Variants in TDRP observed in about 807,000 individuals in gnomAD.
TDRP encodes the protein testis development related protein.
In TDRP, 12 loss-of-function variants were observed where a neutral mutation model predicts 10.5. The ratio of observed to expected loss-of-function variants is 1.15; its 90% CI spans 0.73 to 1.86. The LOEUF is 1.86. Ranked by LOEUF, TDRP falls within the 40% of genes most tolerant of loss-of-function variation. The pLI is 0.00. For missense variants in TDRP, 353 were observed against 229.2 expected, an observed-to-expected ratio of 1.54 and a Z score of -3.49; for synonymous variants, 139 against 95.4, an observed-to-expected ratio of 1.46 and a Z score of -2.67.
At chr8:535,802 A>G (rs1384128738) in intron 1 of TDRP, among the ~76,000 whole-genome samples, 2 of 145,164 alleles carry the variant, frequency 1.4e-5, no homozygotes, top group Non-Finnish European at 3.0e-5. Flanking sequence ...GTCTCAGTGT[A>G]GGGGTGGGCC....
At chr8:544,590 C>T in intron 1 of TDRP, 60 bp downstream of exon 1, 1 of 1,138,512 alleles carries the variant, frequency 8.8e-7, no homozygotes, top group Non-Finnish European at 1.1e-6. Flanking sequence ...GCCGCCCACC[C>T]TCGCCCTCCA....
At chr8:506,896 G>C (rs1252088345) in intron 1 of TDRP, among the ~76,000 whole-genome samples, 1 of 152,196 alleles carries the variant, frequency 6.6e-6, no homozygotes, top group Non-Finnish European at 1.5e-5. Flanking sequence ...ACTGGAGTCT[G>C]TGGTGAAGTG....
At position 491,903 on chromosome 8, in the gene TDRP, A is replaced by G. The variant is rs1800986869; in HGVS notation, c.*496T>C. 1 of 1,160,026 alleles carries G rather than the reference A, an allele frequency of 8.6e-7. No individual in the cohort carries two copies. Among genetic ancestry groups the G allele is most frequent in the African/African-American group, 1.6e-5 (1 of 62,904 alleles). 71.9% of individuals were successfully genotyped at this position (1,160,026 alleles called of 1,614,324 possible). On this transcript the variant is annotated 3_prime_UTR_variant, in exon 3 of 3. Coordinates refer to ENST00000324079, the MANE Select transcript of TDRP (RefSeq NM_001384899.1). Reference sequence around the variant, plus strand: ...TTACGTATTTGTTTAATAAGAACAAAGTTTAATTTGTCAAGTTAAACAAAA... The same window carrying G: ...TTACGTATTTGTTTAATAAGAACAAGGTTTAATTTGTCAAGTTAAACAAAA...
At chr8:531,018 T>A (rs966049444) in intron 1 of TDRP, among the ~76,000 whole-genome samples, 1 of 152,090 alleles carries the variant, frequency 6.6e-6, no homozygotes, top group Non-Finnish European at 1.5e-5. Context: ...CAGCACTGAG[T>A]CAGGAGAGAC....
rs894085737 is a variant in TDRP at position 544,662 on chromosome 8, G to A, written c.96C>T (p.Ala32=). The A allele has an allele frequency of 1.8e-4, 80 of 437,164 alleles. No homozygotes were observed. The highest frequency in any genetic ancestry group is 2.5e-4 in the Non-Finnish European group (77 of 309,044). The allele number at this position is 437,164 out of a possible 1,614,324, so 27.1% of individuals were successfully genotyped here. The change falls in exon 1 of 3, where the codon GCC becomes GCT. Residue 32 remains alanine (A), a synonymous_variant. Coordinates refer to ENST00000324079, the MANE Select transcript of TDRP (RefSeq NM_001384899.1). ...RGGPPPAAAA[A]AQAQVQGASF... ...CGCACCCCCTCACCTGCGCCTGGGCGGCGGCGGCGGCGGCCGGTGGCGGCC... is the reference window on the plus strand; with the variant it reads ...CGCACCCCCTCACCTGCGCCTGGGCAGCGGCGGCGGCGGCCGGTGGCGGCC...
rs753055638 is a variant in TDRP at position 503,383 on chromosome 8, C to G, written c.109-8786G>C. ...TGGAATCCAGAGCTGCACATCAGAA[C>G]CAATGCCCACCTCTGCACGCGTCAA... On this transcript the variant is annotated intron_variant, in intron 1 of 2. Coordinates refer to ENST00000324079, the MANE Select transcript of TDRP (RefSeq NM_001384899.1). Among the ~76,000 whole-genome samples the G allele has an allele frequency of 2.6e-5, 4 of 152,038 alleles. No individual in the cohort carries two copies. In the East Asian group the frequency reaches 5.8e-4, roughly 22 times the overall value.
At chr8:505,602 T>C (rs1459143335) in intron 1 of TDRP, among the ~76,000 whole-genome samples, 5 of 152,160 alleles carry the variant, frequency 3.3e-5, no homozygotes, top group African/African-American at 7.2e-5. Flanking sequence ...CCATTTCCCA[T>C]GAAGGCCATG....
intron 1 of TDRP, among the ~76,000 whole-genome samples, chr8:536,947 G>C (rs994929833): frequency 2.6e-5 from 4 of 152,096 alleles, no homozygotes; most frequent in Non-Finnish European, 4.4e-5. Context: ...CTGAGTATCT[G>C]ACTCAGCTCA....
chr8:526,953 C>A (rs897233308), intron 1 of TDRP, among the ~76,000 whole-genome samples: 1 of 152,004 alleles, frequency 6.6e-6, no homozygotes. Context: ...CTTGGAAAAA[C>A]CTAAAGACTC....
At position 492,375 on chromosome 8, in the gene TDRP, G is replaced by T. The variant is rs757655384; in HGVS notation, c.*24C>A. ...TACTCATAAAAGGCCACCATGTCGG[G>T]GCACACTTGCCACGCAGCCCCCCTC... On this transcript the variant is annotated 3_prime_UTR_variant, in exon 3 of 3. Coordinates refer to ENST00000324079, the MANE Select transcript of TDRP (RefSeq NM_001384899.1). 1 of 1,479,892 alleles carries T rather than the reference G, an allele frequency of 6.8e-7. No homozygotes were observed. The highest frequency in any genetic ancestry group is 1.5e-5 in the South Asian group (1 of 68,904). The allele number at this position is 1,479,892 out of a possible 1,614,324, so 91.7% of individuals were successfully genotyped here. A position where few individuals can be genotyped will look rare whatever the true frequency, so the allele number is the denominator to read the frequency against.
intron 1 of TDRP, among the ~76,000 whole-genome samples, chr8:538,858 T>A (rs1802417088): frequency 6.6e-6 from 1 of 152,182 alleles, no homozygotes; most frequent in Non-Finnish European, 1.5e-5. Context: ...GACATGCGCA[T>A]CTCACCACAC....
intron 1 of TDRP, among the ~76,000 whole-genome samples, chr8:502,571 G>C (rs563409230): frequency 6.5e-4 from 99 of 152,304 alleles, no homozygotes; most frequent in African/African-American, 2.3e-3. Flanking sequence ...ATGGAACCCA[G>C]AGCCATGCAG....
Sources: gnomAD v4.1 joint callset for allele counts (sites outside exome capture counted in the v4.1 genomes callset) on GRCh38, gnomAD v4.1.1 for gene constraint, MANE v1.5 for transcripts, NCBI Gene and HGNC (gene_info 2026-07-23, HGNC 2026-07-21) for gene names.